The following COL19A1 variants were observed in gnomAD, a reference collection of about 807,000 sequenced individuals.
COL19A1 encodes the protein collagen alpha-1(XIX) chain.
COL19A1 carries 159 observed loss-of-function variants against 190.2 expected under a neutral mutation model. That is an observed-to-expected ratio of 0.84 (90% CI 0.73 to 0.95). The LOEUF is 0.95. COL19A1 is among the 40% of genes least tolerant of loss of function. The pLI is 0.00. For missense variants in COL19A1, 1,418 were observed against 1,431.9 expected, an observed-to-expected ratio of 0.99 and a Z score of 0.16; for synonymous variants, 509 against 458.9, an observed-to-expected ratio of 1.11 and a Z score of -1.39.
At chr6:69,911,666 T>G (rs1376677737) in intron 4 of COL19A1, among the ~76,000 whole-genome samples, 1 of 152,190 alleles carries the variant, frequency 6.6e-6, no homozygotes, top group Non-Finnish European at 1.5e-5. Flanking sequence ...TCATAATTTC[T>G]TAATTTCAGC....
chr6:69,910,554 C>T (rs1308333515), intron 4 of COL19A1, among the ~76,000 whole-genome samples: 1 of 152,120 alleles, frequency 6.6e-6, no homozygotes, highest in Non-Finnish European at 1.5e-5. Context: ...GCTAAATGTA[C>T]TACTTAGGAG....
intron 11 of COL19A1, among the ~76,000 whole-genome samples, chr6:69,966,724 C>G (rs1417515634): frequency 6.6e-6 from 1 of 151,108 alleles, no homozygotes; most frequent in South Asian, 2.1e-4. Flanking sequence ...CCTATGACCC[C>G]GCCAAATCCC....
At chr6:69,966,785 A>C (rs1775135610) in intron 11 of COL19A1, among the ~76,000 whole-genome samples, 1 of 152,046 alleles carries the variant, frequency 6.6e-6, no homozygotes, top group African/African-American at 2.4e-5. Flanking sequence ...AAAAATTAAA[A>C]AAAAAAAAAA....
At chr6:69,878,826 G>T (rs1768310805) in intron 1 of COL19A1, among the ~76,000 whole-genome samples, 1 of 152,170 alleles carries the variant, frequency 6.6e-6, no homozygotes, top group South Asian at 2.1e-4. Flanking sequence ...TGGATGAACA[G>T]ACAAAATGTG....
intron 22 of COL19A1, 29 bp from the exon 23 acceptor site, chr6:70,142,738 G>T (rs2150235970): frequency 6.3e-7 from 1 of 1,586,492 alleles, no homozygotes. Context: ...TTTTAGCAAA[G>T]CTAAAGTATA....
At chr6:69,941,048 G>A (rs1405639342) in intron 9 of COL19A1, among the ~76,000 whole-genome samples, 1 of 152,112 alleles carries the variant, frequency 6.6e-6, no homozygotes, top group Non-Finnish European at 1.5e-5. Context: ...TTGCTCTAAG[G>A]CATATTCAGT....
At chr6:69,886,792 T>C (rs1250266519) in intron 2 of COL19A1, among the ~76,000 whole-genome samples, 3 of 152,232 alleles carry the variant, frequency 2.0e-5, no homozygotes, top group Admixed American at 6.5e-5. Context: ...CTTTACTTTA[T>C]ATTAAAGTAT....
At chr6:70,166,476 T>C (rs1442344209) in intron 37 of COL19A1, among the ~76,000 whole-genome samples, 1 of 152,246 alleles carries the variant, frequency 6.6e-6, no homozygotes, top group Non-Finnish European at 1.5e-5. Context: ...GTTTTCATTA[T>C]TGTGATTGAG....
chr6:70,087,115 C>T (rs1450915514), intron 15 of COL19A1, among the ~76,000 whole-genome samples: 2 of 152,086 alleles, frequency 1.3e-5, no homozygotes, highest in East Asian at 3.9e-4. Context: ...CTCACAAAGC[C>T]TAAAATATTT....
chr6:69,887,951 G>A (rs1294353537), intron 2 of COL19A1, among the ~76,000 whole-genome samples: 1 of 152,146 alleles, frequency 6.6e-6, no homozygotes, highest in African/African-American at 2.4e-5. Context: ...ATTTCTCCAA[G>A]GACCCCCTCT....
intron 2 of COL19A1, among the ~76,000 whole-genome samples, chr6:69,896,395 G>C (rs1253760540): frequency 1.3e-5 from 2 of 151,584 alleles, no homozygotes; most frequent in Non-Finnish European, 2.9e-5. Flanking sequence ...AAATTAGCCG[G>C]GCGCGGTGGC....
At chr6:70,181,466 T>C (rs1766170454) in intron 44 of COL19A1, among the ~76,000 whole-genome samples, 3 of 152,060 alleles carry the variant, frequency 2.0e-5, no homozygotes, top group Admixed American at 2.0e-4. Context: ...CCCTGCCTCC[T>C]CTTACCTCCT....
intron 20 of COL19A1, among the ~76,000 whole-genome samples, chr6:70,141,274 A>G (rs1272964137): frequency 6.6e-6 from 1 of 152,138 alleles, no homozygotes; most frequent in Admixed American, 6.6e-5. Context: ...TATACAAGAC[A>G]TCCATGTAGG....
At chr6:69,974,674 CA>C (rs1265626913) in intron 11 of COL19A1, among the ~76,000 whole-genome samples, 1 of 152,022 alleles carries the variant, frequency 6.6e-6, no homozygotes, top group Non-Finnish European at 1.5e-5. Context: ...TATTTTAAGC[CA>C]AAATTTGTTC....
chr6:69,868,782 C>T (rs1340654693), intron 1 of COL19A1, among the ~76,000 whole-genome samples: 1 of 152,132 alleles, frequency 6.6e-6, no homozygotes, highest in African/African-American at 2.4e-5. Flanking sequence ...TGGAAAATTT[C>T]CATCTACTTT....
intron 12 of COL19A1, among the ~76,000 whole-genome samples, chr6:70,025,272 C>T (rs1369522864): frequency 1.3e-5 from 2 of 152,110 alleles, no homozygotes; most frequent in East Asian, 1.9e-4. Flanking sequence ...CCTCGTGATC[C>T]GCCCGCGTCG....
chr6:69,996,900 T>C (rs1430109986), intron 11 of COL19A1, among the ~76,000 whole-genome samples: 1 of 150,726 alleles, frequency 6.6e-6, no homozygotes, highest in Non-Finnish European at 1.5e-5. Context: ...GTACATAATC[T>C]CTCTCTCAAA....
intron 47 of COL19A1, among the ~76,000 whole-genome samples, chr6:70,190,049 T>A (rs1766760563): frequency 6.6e-6 from 1 of 152,252 alleles, no homozygotes; most frequent in Non-Finnish European, 1.5e-5. Flanking sequence ...TAAAGCCATG[T>A]GTCTCCATTT....
chr6:69,967,676 A>G (rs1775194645), intron 11 of COL19A1, among the ~76,000 whole-genome samples: 1 of 152,176 alleles, frequency 6.6e-6, no homozygotes, highest in Non-Finnish European at 1.5e-5. Flanking sequence ...TCTTCTTACC[A>G]AAATATAATC....
Sources: gnomAD v4.1 joint callset for allele counts (sites outside exome capture counted in the v4.1 genomes callset) on GRCh38, gnomAD v4.1.1 for gene constraint, MANE v1.5 for transcripts, NCBI Gene and HGNC (gene_info 2026-07-23, HGNC 2026-07-21) for gene names.